PLCB1: variants seen among roughly 807,000 people sequenced by gnomAD.
PLCB1 encodes phospholipase C beta 1.
A neutral mutation model predicts 161.8 loss-of-function variants in PLCB1; 46 were observed. The ratio of observed to expected loss-of-function variants is 0.28; its 90% CI spans 0.22 to 0.36. PLCB1 has a LOEUF of 0.36. PLCB1 is among the 10% of genes least tolerant of loss of function. PLCB1 has a pLI of 1.00. For missense variants in PLCB1, 1,016 were observed against 1,472.5 expected, an observed-to-expected ratio of 0.69 and a Z score of 5.07; for synonymous variants, 517 against 503.7, an observed-to-expected ratio of 1.03 and a Z score of -0.35.
chr20:8,492,616 A>G (rs1450529551), intron 3 of PLCB1, among the ~76,000 whole-genome samples: 7 of 152,156 alleles, frequency 4.6e-5, no homozygotes, highest in Middle Eastern at 3.4e-3. Context: ...TTTCAGTGTA[A>G]TAAAAAATGG....
At chr20:8,416,955 C>T (rs1417137461) in intron 3 of PLCB1, among the ~76,000 whole-genome samples, 1 of 148,234 alleles carries the variant, frequency 6.7e-6, no homozygotes, top group African/African-American at 2.5e-5. Context: ...CACACACACA[C>T]ACACACACAC....
intron 2 of PLCB1, among the ~76,000 whole-genome samples, chr20:8,290,074 G>T (rs908756399): frequency 2.0e-5 from 3 of 152,132 alleles, no homozygotes; most frequent in Non-Finnish European, 4.4e-5. Context: ...CCCTAAAATG[G>T]TGCAATAGGC....
chr20:8,504,803 A>C (rs1387123991), intron 3 of PLCB1, among the ~76,000 whole-genome samples: 1 of 152,176 alleles, frequency 6.6e-6, no homozygotes, highest in African/African-American at 2.4e-5. Flanking sequence ...AATATTACCA[A>C]TGTGGCATTA....
chr20:8,769,057 T>C (rs1364862898), intron 26 of PLCB1, among the ~76,000 whole-genome samples: 1 of 152,204 alleles, frequency 6.6e-6, no homozygotes, highest in Non-Finnish European at 1.5e-5. Context: ...TTCTTCAAAG[T>C]TGAATAATTA....
At chr20:8,151,570 C>A (rs980883921) in intron 2 of PLCB1, among the ~76,000 whole-genome samples, 1 of 152,268 alleles carries the variant, frequency 6.6e-6, no homozygotes, top group Non-Finnish European at 1.5e-5. Flanking sequence ...TCCTACTTAA[C>A]GCTCACATTT....
intron 2 of PLCB1, among the ~76,000 whole-genome samples, chr20:8,285,389 G>T (rs913478814): frequency 2.0e-5 from 3 of 151,950 alleles, no homozygotes; most frequent in African/African-American, 7.2e-5. Context: ...TAGAGACTAT[G>T]AAGTAGGCCA....
chr20:8,775,106 G>T, intron 27 of PLCB1, among the ~76,000 whole-genome samples: 2 of 120,584 alleles, frequency 1.7e-5, no homozygotes. Flanking sequence ...TGGTAGCACT[G>T]GGCTTTGTAA....
Position 8,436,775 on chromosome 20 carries a change from G to C in PLCB1, c.246+65325G>C, listed in dbSNP as rs890375896. ...ACTTGACCTAGCCACCGTAGCCATGGAATTTTATTTATTTATTTATTTATT... is the reference window on the plus strand; with the variant it reads ...ACTTGACCTAGCCACCGTAGCCATGCAATTTTATTTATTTATTTATTTATT... On this transcript the variant is annotated intron_variant, in intron 3 of 31. Coordinates refer to ENST00000338037, the MANE Select transcript of PLCB1 (RefSeq NM_015192.4). Among the ~76,000 whole-genome samples, 8 of 152,074 alleles carry C rather than the reference G, an allele frequency of 5.3e-5. No homozygotes were observed. The South Asian group carries it at 1.5e-3, about 28-fold the overall frequency.
chr20:8,542,580 G>C (rs544227264), intron 3 of PLCB1, among the ~76,000 whole-genome samples: 6 of 152,300 alleles, frequency 3.9e-5, no homozygotes, highest in Admixed American at 6.5e-5. Context: ...GAAATGTTGA[G>C]AGCGGGGGAG....
At chr20:8,685,110 C>A in intron 10 of PLCB1, 32 bp downstream of exon 10, 2 of 1,596,890 alleles carry the variant, frequency 1.3e-6, no homozygotes, top group Non-Finnish European at 1.7e-6. Context: ...GTTACTTTAG[C>A]CAGTCTCACC....
chr20:8,145,266 T>C (rs2051442087), intron 1 of PLCB1, among the ~76,000 whole-genome samples: 1 of 152,178 alleles, frequency 6.6e-6, no homozygotes, highest in Non-Finnish European at 1.5e-5. Flanking sequence ...CTTCTGTACA[T>C]GCCTGTGTCC....
intron 31 of PLCB1, among the ~76,000 whole-genome samples, chr20:8,856,885 A>G (rs1987086794): frequency 6.6e-6 from 1 of 152,222 alleles, no homozygotes; most frequent in African/African-American, 2.4e-5. Context: ...CACAAAACTC[A>G]GGGGCCTAAA....
chr20:8,605,610 CTTTTTTTTTT>C (rs74685527), intron 3 of PLCB1, among the ~76,000 whole-genome samples: 2 of 88,286 alleles, frequency 2.3e-5, no homozygotes, highest in Admixed American at 1.1e-4. Context: ...TTGGTGTTTT[CTTTTTTTTTT>C]TTTTTTTTAA....
intron 2 of PLCB1, among the ~76,000 whole-genome samples, chr20:8,325,073 C>T (rs565060209): frequency 6.6e-6 from 1 of 152,158 alleles, no homozygotes; most frequent in South Asian, 2.1e-4. Flanking sequence ...ATAATCATGC[C>T]CCTACTATTC....
At chr20:8,634,075 C>G (rs1988685775) in intron 4 of PLCB1, among the ~76,000 whole-genome samples, 1 of 152,174 alleles carries the variant, frequency 6.6e-6, no homozygotes, top group South Asian at 2.1e-4. Context: ...AAACATCTGC[C>G]TTTCAGAGAG....
chr20:8,830,451 A>G (rs1285477776), intron 31 of PLCB1, among the ~76,000 whole-genome samples: 1 of 152,158 alleles, frequency 6.6e-6, no homozygotes, highest in Non-Finnish European at 1.5e-5. Context: ...GAACCAGGAA[A>G]CCTGTTAGGA....
Position 8,356,275 on chromosome 20 carries a change from C to T in PLCB1, c.178-15107C>T, listed in dbSNP as rs556672359. 4.6e-5 allele frequency among the ~76,000 whole-genome samples: 7 copies of T among 152,172 alleles called. No individual in the cohort carries two copies. In the South Asian group the frequency reaches 6.2e-4, roughly 14 times the overall value. On this transcript the variant is annotated intron_variant, in intron 2 of 31. Coordinates refer to ENST00000338037, the MANE Select transcript of PLCB1 (RefSeq NM_015192.4). The stretch of plus-strand genomic sequence containing the variant: ...TAAATGTTACCAGTCTCTAAGAGTG[C>T]GTCTCAGTGGTTCTCAAACTTAAAA...
chr20:8,139,085 T>TTTTG (rs1248615959), intron 1 of PLCB1, among the ~76,000 whole-genome samples: 2 of 127,176 alleles, frequency 1.6e-5, no homozygotes, highest in Non-Finnish European at 3.2e-5. Context: ...TCAAGGGTTT[T>TTTTG]TTTTTTTTTT....
At chr20:8,722,497 TCTGCCATCTAGTG>T (rs1979703330) in intron 15 of PLCB1, 76 bp downstream of exon 15, 8 of 1,121,844 alleles carry the variant, frequency 7.1e-6, no homozygotes, top group Non-Finnish European at 9.9e-6. Flanking sequence ...ATGGTCACTT[TCTGCCATCTAGTG>T]GCAAAAAGTA....
Sources: gnomAD v4.1 joint callset for allele counts (sites outside exome capture counted in the v4.1 genomes callset) on GRCh38, gnomAD v4.1.1 for gene constraint, MANE v1.5 for transcripts, NCBI Gene and HGNC (gene_info 2026-07-23, HGNC 2026-07-21) for gene names.